SLCO1C1: variants seen among roughly 807,000 people sequenced by gnomAD.
SLCO1C1 encodes the protein OAT-RP-5.
A neutral mutation model predicts 76.4 loss-of-function variants in SLCO1C1; 70 were observed. The observed-to-expected ratio is 0.92, with a 90% CI of 0.76 to 1.12. The LOEUF (loss-of-function observed/expected upper bound fraction) is 1.12. Ranked by LOEUF, SLCO1C1 falls within the 50% of genes most tolerant of loss-of-function variation. The pLI, the probability that SLCO1C1 is intolerant of heterozygous loss-of-function variation, is 0.00. For missense variants in SLCO1C1, 912 were observed against 823.8 expected (o/e 1.11, Z -1.31); for synonymous variants, 306 against 286.1 (o/e 1.07, Z -0.70).
At chr12:20,740,469 T>G in intron 12 of SLCO1C1, 101 bp downstream of exon 12, 1 of 1,080,360 alleles carries the variant, frequency 9.3e-7, no homozygotes, top group Non-Finnish European at 1.3e-6. Context: ...CCTCTTAGTT[T>G]TTTCAAGAAA....
intron 4 of SLCO1C1, among the ~76,000 whole-genome samples, chr12:20,710,018 C>T (rs1473236679): frequency 1.3e-5 from 2 of 150,530 alleles, no homozygotes; most frequent in Admixed American, 1.3e-4. Context: ...ACCCTCTTCT[C>T]TTAAGCATTC....
chr12:20,717,335 G>T, intron 7 of SLCO1C1, 105 bp downstream of exon 7: 1 of 812,196 alleles, frequency 1.2e-6, no homozygotes, highest in Non-Finnish European at 1.9e-6. Flanking sequence ...AAATGATGGA[G>T]TTGTAATCTT....
At position 20,753,084 on chromosome 12, in the gene SLCO1C1, G is replaced by A. The variant is rs1949383862; in HGVS notation, c.*556G>A. 6.6e-6 allele frequency: 1 copy of A among 152,258 alleles called. No individual in the cohort carries two copies. The highest frequency in any genetic ancestry group is 2.1e-4 in the South Asian group (1 of 4,826). The allele number at this position is 152,258 out of a possible 1,614,324, so 9.4% of individuals were successfully genotyped here. ...GAAATACAATAATTTATATAGAAAT[G>A]TGTAGCAGCAAATTATATTGGGGAT... On this transcript the variant is annotated 3_prime_UTR_variant, in exon 15 of 15. Transcript: ENST00000266509.
At chr12:20,736,132 G>C (rs1327313565) in intron 10 of SLCO1C1, among the ~76,000 whole-genome samples, 2 of 151,850 alleles carry the variant, frequency 1.3e-5, no homozygotes, top group Admixed American at 1.3e-4. Context: ...CTTTTGAGAA[G>C]AGTAGAGGAA....
At chr12:20,743,113 T>C (rs1948895574) in intron 12 of SLCO1C1, among the ~76,000 whole-genome samples, 192 bp from the exon 13 acceptor site, 1 of 152,216 alleles carries the variant, frequency 6.6e-6, no homozygotes. Context: ...ATAAACTTCT[T>C]GTAGCATTGC....
intron 13 of SLCO1C1, among the ~76,000 whole-genome samples, chr12:20,748,331 C>A (rs1309530618): frequency 2.0e-5 from 3 of 152,138 alleles, no homozygotes; most frequent in Non-Finnish European, 2.9e-5. Flanking sequence ...TGTCCAAAAA[C>A]CAGAAATCTC....
In SLCO1C1 at chr12:20,709,887, CAAAAAAAAAAAAAAAAAAAAA is replaced by C. The variant is rs996552819; in HGVS notation, c.405-1481_405-1461del. Among the ~76,000 whole-genome samples, 6 of 2,020 alleles carry C rather than the reference CAAAAAAAAAAAAAAAAAAAAA, an allele frequency of 3.0e-3. 1 individual carries two copies. In the South Asian group the frequency reaches 0.12, roughly 39 times the overall value. The allele number at this position is 2,020 out of a possible 152,430, so 1.3% of individuals were successfully genotyped here. On this transcript the variant is annotated intron_variant, in intron 4 of 14. Coordinates refer to ENST00000266509, the MANE Select transcript of SLCO1C1 (RefSeq NM_017435.5). ...TGGGCGACAGAGCGAGACTCCGTCT[CAAAAAAAAAAAAAAAAAAAAA>C]AAAAAAAAAAAAAAAAAGAATTGAA...
At chr12:20,740,489 C>A in intron 12 of SLCO1C1, 121 bp downstream of exon 12, 2 of 858,438 alleles carry the variant, frequency 2.3e-6, no homozygotes, top group African/African-American at 1.7e-5. Flanking sequence ...ACTTGTCCCA[C>A]ATCCTTGTTT....
intron 6 of SLCO1C1, among the ~76,000 whole-genome samples, chr12:20,716,730 A>G (rs556144029): frequency 1.4e-4 from 22 of 151,962 alleles, no homozygotes; most frequent in African/African-American, 4.6e-4. Flanking sequence ...CTAAGGTGGT[A>G]GAAATCCATT....
At chr12:20,699,169 C>T (rs992318793) in intron 1 of SLCO1C1, among the ~76,000 whole-genome samples, 1 of 151,996 alleles carries the variant, frequency 6.6e-6, no homozygotes, top group Admixed American at 6.6e-5. Context: ...AAGACTTTAT[C>T]CTAATGAATC....
rs1407460380 is a variant in SLCO1C1, at chr12:20,723,206, A to G, written c.1138A>G (p.Ile380Val). 1.9e-6 allele frequency: 3 copies of G among 1,613,918 alleles called. No homozygotes were observed. The highest frequency in any genetic ancestry group is 2.7e-5 in the African/African-American group (2 of 74,912). The change falls in exon 9 of 15, where the codon ATT (isoleucine) becomes GTT (valine). Residue 380 changes from isoleucine to valine, a missense_variant. Coordinates refer to ENST00000266509, the MANE Select transcript of SLCO1C1 (RefSeq NM_017435.5). ...CATGGTGACGTACAAACCAAAGTAC[A>G]TTGAGCAGCAGTATGGACAGTCATC... The part of the protein sequence containing the change: ...FGMVTYKPKY[I>V]EQQYGQSSSR...
At chr12:20,718,963 C>A (rs1243021107) in intron 7 of SLCO1C1, among the ~76,000 whole-genome samples, 4 of 151,986 alleles carry the variant, frequency 2.6e-5, no homozygotes, top group Non-Finnish European at 5.9e-5. Flanking sequence ...TTTGCAGATA[C>A]TATATATTTT....
At chr12:20,715,312 T>C (rs982514638) in intron 6 of SLCO1C1, 27 bp downstream of exon 6, 2 of 1,610,118 alleles carry the variant, frequency 1.2e-6, no homozygotes, top group Non-Finnish European at 1.7e-6. Context: ...GCTTCACTTA[T>C]CTTCTTGGGA....
At chr12:20,730,215 G>A (rs1298590498) in intron 9 of SLCO1C1, among the ~76,000 whole-genome samples, 1 of 152,222 alleles carries the variant, frequency 6.6e-6, no homozygotes, top group Non-Finnish European at 1.5e-5. Context: ...GGAATTGAGA[G>A]AGAAAATGTA....
At chr12:20,712,807 G>A (rs1291845917) in intron 5 of SLCO1C1, among the ~76,000 whole-genome samples, 1 of 152,124 alleles carries the variant, frequency 6.6e-6, no homozygotes, top group African/African-American at 2.4e-5. Flanking sequence ...AAATGTGGAA[G>A]GGGAAGGAAG....
chr12:20,724,319 C>T (rs1947823579), intron 9 of SLCO1C1, among the ~76,000 whole-genome samples: 1 of 149,234 alleles, frequency 6.7e-6, no homozygotes. Flanking sequence ...TTTATGTCTA[C>T]ATTGAGATAT....
chr12:20,720,319 C>G (rs1335030944), intron 7 of SLCO1C1, among the ~76,000 whole-genome samples: 1 of 152,150 alleles, frequency 6.6e-6, no homozygotes, highest in Non-Finnish European at 1.5e-5. Flanking sequence ...AACATACCGT[C>G]CATTTTATAC....
At chr12:20,699,802 T>TAAAAA in intron 2 of SLCO1C1, 97 bp downstream of exon 2, 1 of 1,039,182 alleles carries the variant, frequency 9.6e-7, no homozygotes, top group Non-Finnish European at 1.3e-6. Flanking sequence ...TTTTCTCCTT[T>TAAAAA]AAAAAAAAAA....
chr12:20,748,968 A>G (rs1018468592), intron 13 of SLCO1C1, among the ~76,000 whole-genome samples: 4 of 152,160 alleles, frequency 2.6e-5, no homozygotes, highest in Admixed American at 2.0e-4. Flanking sequence ...GTCACCTATA[A>G]TTTGACACTT....
Sources: gnomAD v4.1 joint callset for allele counts (sites outside exome capture counted in the v4.1 genomes callset) on GRCh38, gnomAD v4.1.1 for gene constraint, MANE v1.5 for transcripts, NCBI Gene and HGNC (gene_info 2026-07-23, HGNC 2026-07-21) for gene names.